Variants in GALNTL6 observed in about 807,000 individuals in gnomAD.
GALNTL6 encodes the protein polypeptide N-acetylgalactosaminyltransferase-like 6.
Under a neutral mutation model 73.7 loss-of-function variants are expected in GALNTL6, and 46 were observed. That is an observed-to-expected ratio of 0.62 (90% CI 0.49 to 0.80). The LOEUF (loss-of-function observed/expected upper bound fraction) is 0.80, where lower values mean the gene tolerates loss of function less well. GALNTL6 is among the 30% of genes least tolerant of loss of function. GALNTL6 has a pLI of 0.00. For missense variants in GALNTL6, 604 were observed against 755.0 expected (o/e 0.80, Z 2.34); for synonymous variants, 259 against 263.7 (o/e 0.98, Z 0.17).
intron 5 of GALNTL6, among the ~76,000 whole-genome samples, chr4:172,734,880 A>T (rs949174213): frequency 6.6e-6 from 1 of 152,194 alleles, no homozygotes; most frequent in African/African-American, 2.4e-5. Context: ...AGAGGGTGCA[A>T]TCCCCAAGCC....
chr4:172,277,613 A>G (rs1331164041), intron 3 of GALNTL6, among the ~76,000 whole-genome samples: 1 of 152,210 alleles, frequency 6.6e-6, no homozygotes, highest in East Asian at 1.9e-4. Flanking sequence ...CATTACGAAC[A>G]ATTAATTCAG....
intron 5 of GALNTL6, among the ~76,000 whole-genome samples, chr4:172,358,316 T>C (rs986219521): frequency 3.3e-5 from 5 of 152,094 alleles, no homozygotes; most frequent in African/African-American, 4.8e-5. Context: ...CTAGAAAGGG[T>C]AGGAAAAATA....
intron 11 of GALNTL6, among the ~76,000 whole-genome samples, chr4:173,018,277 G>T (rs1165598689): frequency 1.3e-5 from 2 of 152,178 alleles, no homozygotes; most frequent in Non-Finnish European, 2.9e-5. Flanking sequence ...AGTCATCAAA[G>T]TTGAAAATTC....
At chr4:171,983,304 C>T (rs1392381259) in intron 2 of GALNTL6, among the ~76,000 whole-genome samples, 2 of 152,066 alleles carry the variant, frequency 1.3e-5, no homozygotes, top group African/African-American at 4.8e-5. Context: ...AAAATATTCA[C>T]ATGGGGCTTC....
chr4:172,297,064 G>A (rs1739707424), intron 3 of GALNTL6, among the ~76,000 whole-genome samples: 1 of 152,174 alleles, frequency 6.6e-6, no homozygotes, highest in Admixed American at 6.5e-5. Context: ...TCTGACTGGT[G>A]TGAGATGGTA....
At chr4:172,211,769 G>A (rs973877987) in intron 2 of GALNTL6, among the ~76,000 whole-genome samples, 2 of 152,274 alleles carry the variant, frequency 1.3e-5, no homozygotes, top group African/African-American at 2.4e-5. Context: ...TCAGTTAAAA[G>A]GGCATTCCTC....
chr4:172,125,386 A>G lies in GALNTL6; in HGVS notation c.139-104270A>G, dbSNP rs149924737. 2.7e-4 allele frequency among the ~76,000 whole-genome samples: 41 copies of G among 152,320 alleles called. No individual in the cohort carries two copies. In the East Asian group the frequency reaches 7.5e-3, roughly 28 times the overall value. ...TGAATGGTTGAAATTTTTTTTAAACATATTTCGGAATTAAACCAAAACCTA... is the reference window on the plus strand; with the variant it reads ...TGAATGGTTGAAATTTTTTTTAAACGTATTTCGGAATTAAACCAAAACCTA... On this transcript the variant is annotated intron_variant, in intron 2 of 12. Transcript: ENST00000506823.
chr4:172,959,102 C>T (rs950443257), intron 10 of GALNTL6, among the ~76,000 whole-genome samples: 12 of 151,956 alleles, frequency 7.9e-5, no homozygotes, highest in African/African-American at 2.7e-4. Context: ...AAGTGCGCTG[C>T]GGGATGGGAT....
intron 5 of GALNTL6, among the ~76,000 whole-genome samples, chr4:172,487,547 T>C (rs1201326361): frequency 6.6e-6 from 1 of 151,622 alleles, no homozygotes; most frequent in Admixed American, 6.6e-5. Context: ...CCACCACATC[T>C]AGCTAATTCT....
chr4:172,141,516 T>C (rs1236129511), intron 2 of GALNTL6, among the ~76,000 whole-genome samples: 1 of 151,996 alleles, frequency 6.6e-6, no homozygotes, highest in Non-Finnish European at 1.5e-5. Flanking sequence ...GAGTAATTAG[T>C]TTAAGTCAAC....
chr4:172,541,033 G>A (rs1735533566), intron 5 of GALNTL6, among the ~76,000 whole-genome samples: 1 of 152,036 alleles, frequency 6.6e-6, no homozygotes, highest in African/African-American at 2.4e-5. Context: ...AGCTTTGCAG[G>A]GTCATTTCAA....
At chr4:172,231,598 C>T (rs1482851794) in intron 3 of GALNTL6, among the ~76,000 whole-genome samples, 1 of 152,080 alleles carries the variant, frequency 6.6e-6, no homozygotes, top group African/African-American at 2.4e-5. Context: ...AGGTTCAAAT[C>T]CTAGCATTTC....
intron 2 of GALNTL6, among the ~76,000 whole-genome samples, chr4:171,955,470 C>A (rs1169635291): frequency 3.3e-5 from 5 of 151,952 alleles, no homozygotes; most frequent in Non-Finnish European, 7.4e-5. Context: ...CCCTCTCATG[C>A]ATGCCAAAAT....
chr4:172,343,932 A>G (rs1295004706), intron 4 of GALNTL6, among the ~76,000 whole-genome samples: 1 of 152,182 alleles, frequency 6.6e-6, no homozygotes, highest in Non-Finnish European at 1.5e-5. Context: ...CTGTTACTCA[A>G]CAAAGAGATG....
At chr4:171,980,278 C>G (rs1316218856) in intron 2 of GALNTL6, among the ~76,000 whole-genome samples, 2 of 152,068 alleles carry the variant, frequency 1.3e-5, no homozygotes, top group African/African-American at 4.8e-5. Flanking sequence ...GTAGGGAGCA[C>G]AGTTTAAGTG....
chr4:172,167,347 A>G (rs1009134496), intron 2 of GALNTL6, among the ~76,000 whole-genome samples: 7 of 152,210 alleles, frequency 4.6e-5, no homozygotes, highest in Non-Finnish European at 1.0e-4. Context: ...GGCATGTATA[A>G]TAATTTAGAA....
At chr4:171,885,813 TAATAA>T (rs1273803284) in intron 2 of GALNTL6, among the ~76,000 whole-genome samples, 1 of 152,092 alleles carries the variant, frequency 6.6e-6, no homozygotes, top group African/African-American at 2.4e-5. Context: ...TCAAAACAAA[TAATAA>T]AATAAAATTA....
intron 7 of GALNTL6, among the ~76,000 whole-genome samples, chr4:172,840,798 C>T (rs1743165125): frequency 6.6e-6 from 1 of 152,090 alleles, no homozygotes; most frequent in African/African-American, 2.4e-5. Flanking sequence ...TCAATCAGGA[C>T]TTGCTACCCC....
In GALNTL6 at chr4:172,469,093, T is replaced by A. The variant is rs922434279; in HGVS notation, c.553+120404T>A. ...CTCCTGACAGAGCATGGGACCCACC[T>A]GGAGATGAGTTGAGCCAAGTCTATG... On this transcript the variant is annotated intron_variant, in intron 5 of 12. Transcript: ENST00000506823. Among the ~76,000 whole-genome samples, 5 of 152,242 alleles carry A rather than the reference T, an allele frequency of 3.3e-5. No individual in the cohort carries two copies. The East Asian group carries it at 9.6e-4, about 29-fold the overall frequency.
Sources: allele counts gnomAD v4.1 joint callset (sites outside exome capture counted in the v4.1 genomes callset), GRCh38; gene constraint gnomAD v4.1.1; transcripts MANE v1.5; gene names NCBI Gene and HGNC (gene_info 2026-07-23, HGNC 2026-07-21).